The following APPBP2 variants were observed in gnomAD, a reference collection of about 807,000 sequenced individuals.
The protein encoded by APPBP2 is amyloid beta precursor protein binding protein 2.
A neutral mutation model predicts 76.0 loss-of-function variants in APPBP2; 15 were observed. The ratio of observed to expected loss-of-function variants is 0.20; its 90% CI spans 0.13 to 0.30. The LOEUF is 0.30. APPBP2 is among the 10% of genes least tolerant of loss of function. The pLI, the probability that APPBP2 is intolerant of heterozygous loss-of-function variation, is 1.00. For synonymous variants in APPBP2, 222 were observed against 242.2 expected (o/e 0.92, Z 0.77); for missense variants, 401 against 687.2 (o/e 0.58, Z 4.66).
intron 2 of APPBP2, 111 bp from the exon 3 acceptor site, chr17:60,494,728 T>A: frequency 9.5e-7 from 1 of 1,055,654 alleles, no homozygotes; most frequent in South Asian, 1.9e-5. Flanking sequence ...CAGGACGGAA[T>A]AAGATAAAAA....
chr17:60,519,070 T>C (rs1185254383), intron 1 of APPBP2, among the ~76,000 whole-genome samples: 1 of 152,112 alleles, frequency 6.6e-6, no homozygotes, highest in Non-Finnish European at 1.5e-5. Context: ...CAAATGATCC[T>C]TCCACCTCAG....
chr17:60,489,088 G>T (rs1598361604), intron 3 of APPBP2, among the ~76,000 whole-genome samples: 2 of 152,088 alleles, frequency 1.3e-5, no homozygotes, highest in Middle Eastern at 3.4e-3. Context: ...TGGGTATGGT[G>T]GCAGGTGCCT....
At chr17:60,477,800 CAAA>C (rs1177773203) in intron 4 of APPBP2, among the ~76,000 whole-genome samples, 1 of 66,836 alleles carries the variant, frequency 1.5e-5, no homozygotes, top group Non-Finnish European at 3.6e-5. Flanking sequence ...TCCAACTGGC[CAAA>C]AAAAAAAAAA....
intron 3 of APPBP2, among the ~76,000 whole-genome samples, chr17:60,480,348 G>C (rs1002421952): frequency 3.3e-5 from 5 of 152,090 alleles, no homozygotes; most frequent in African/African-American, 1.2e-4. Context: ...CCTCCAGCCT[G>C]GGCAACAGAG....
chr17:60,450,204 C>G (rs2090382601), intron 12 of APPBP2, among the ~76,000 whole-genome samples: 2 of 146,870 alleles, frequency 1.4e-5, no homozygotes, highest in Admixed American at 6.6e-5. Flanking sequence ...TCTGGGAGGC[C>G]AAGGCAGGCA....
At chr17:60,452,938 A>T (rs1567917661) in intron 11 of APPBP2, among the ~76,000 whole-genome samples, 4 of 152,264 alleles carry the variant, frequency 2.6e-5, no homozygotes, top group Admixed American at 6.5e-5. Flanking sequence ...CATATTAAAA[A>T]ATATATATAT....
chr17:60,506,555 T>C (rs1383874538), intron 1 of APPBP2, among the ~76,000 whole-genome samples: 1 of 152,156 alleles, frequency 6.6e-6, no homozygotes, highest in East Asian at 1.9e-4. Context: ...AACTTTCTCA[T>C]GACACACTGT....
chr17:60,490,066 C>T (rs997792307), intron 3 of APPBP2, among the ~76,000 whole-genome samples: 17 of 148,822 alleles, frequency 1.1e-4, no homozygotes, highest in African/African-American at 3.6e-4. Context: ...CAAAACAAAA[C>T]AAAAACCCCC....
intron 12 of APPBP2, 117 bp from the exon 13 acceptor site, chr17:60,447,951 C>T (rs948405744): frequency 3.3e-6 from 3 of 912,508 alleles, no homozygotes; most frequent in African/African-American, 1.7e-5. Context: ...GTTTATTCCC[C>T]TGAAAGGAAT....
At chr17:60,449,514 T>G (rs991663668) in intron 12 of APPBP2, among the ~76,000 whole-genome samples, 1 of 152,166 alleles carries the variant, frequency 6.6e-6, no homozygotes, top group African/African-American at 2.4e-5. Context: ...GAGAATCGCT[T>G]GAACCCAGGA....
chr17:60,508,433 T>G (rs1337395760), intron 1 of APPBP2, among the ~76,000 whole-genome samples: 1 of 151,976 alleles, frequency 6.6e-6, no homozygotes, highest in East Asian at 1.9e-4. Flanking sequence ...AATAGCTAAA[T>G]TGAAACCAAG....
intron 1 of APPBP2, among the ~76,000 whole-genome samples, chr17:60,509,689 C>G (rs1274177647): frequency 6.6e-6 from 1 of 152,162 alleles, no homozygotes; most frequent in Non-Finnish European, 1.5e-5. Flanking sequence ...GTAATCGCAG[C>G]TACCCGGGGG....
intron 1 of APPBP2, among the ~76,000 whole-genome samples, chr17:60,505,464 T>C (rs147142522): frequency 2.4e-3 from 358 of 151,798 alleles, no homozygotes; most frequent in African/African-American, 8.0e-3. Context: ...TACAGGCGCC[T>C]GCCACCATGG....
At chr17:60,510,398 G>A (rs1163446970) in intron 1 of APPBP2, among the ~76,000 whole-genome samples, 1 of 151,682 alleles carries the variant, frequency 6.6e-6, no homozygotes, top group Non-Finnish European at 1.5e-5. Flanking sequence ...GCAAAATCCT[G>A]CCTCAAAACA....
At chr17:60,486,918 A>C (rs1055936246) in intron 3 of APPBP2, among the ~76,000 whole-genome samples, 1 of 152,164 alleles carries the variant, frequency 6.6e-6, no homozygotes, top group Non-Finnish European at 1.5e-5. Flanking sequence ...GCATTTGCTT[A>C]TCTGTAAAGG....
At chr17:60,505,771 C>A (rs571485608) in intron 1 of APPBP2, among the ~76,000 whole-genome samples, 1 of 142,014 alleles carries the variant, frequency 7.0e-6, no homozygotes, top group South Asian at 2.2e-4. Context: ...ACTACCTCTG[C>A]CTCCCGGGTT....
At chr17:60,481,850 A>T (rs7211844) in intron 3 of APPBP2, among the ~76,000 whole-genome samples, 12,522 of 152,276 alleles carry the variant, frequency 0.082, 1,706 homozygotes, top group African/African-American at 0.28. Flanking sequence ...TTTGCTGTTA[A>T]TAGAAGTATC....
At chr17:60,511,868 T>C (rs1310418082) in intron 1 of APPBP2, among the ~76,000 whole-genome samples, 2 of 152,076 alleles carry the variant, frequency 1.3e-5, no homozygotes, top group African/African-American at 2.4e-5. Context: ...TTTAATCCTC[T>C]ATTATATAAA....
At chr17:60,490,599 T>A (rs2090720097) in intron 3 of APPBP2, among the ~76,000 whole-genome samples, 1 of 152,180 alleles carries the variant, frequency 6.6e-6, no homozygotes, top group South Asian at 2.1e-4. Flanking sequence ...AGCCCAAGTT[T>A]GAAGTTACAG....
Sources: gnomAD v4.1 joint callset for allele counts (sites outside exome capture counted in the v4.1 genomes callset) on GRCh38, gnomAD v4.1.1 for gene constraint, MANE v1.5 for transcripts, NCBI Gene and HGNC (gene_info 2026-07-23, HGNC 2026-07-21) for gene names.